PRPF39: variants seen among roughly 807,000 people sequenced by gnomAD.
PRPF39 encodes pre-mRNA processing factor 39, also known as pre-mRNA-processing factor 39.
Under a neutral mutation model 82.1 loss-of-function variants are expected in PRPF39, and 27 were observed. That is an observed-to-expected ratio of 0.33 (90% CI 0.24 to 0.45). The LOEUF (loss-of-function observed/expected upper bound fraction) is 0.45. Among genes scored for constraint, PRPF39 ranks in the 20% least tolerant of loss-of-function variants. The pLI is 1.00. For missense variants in PRPF39, 581 were observed against 796.9 expected, an observed-to-expected ratio of 0.73 and a Z score of 3.26; for synonymous variants, 261 against 256.4, an observed-to-expected ratio of 1.02 and a Z score of -0.17.
At chr14:45,102,746 T>G in intron 5 of PRPF39, 50 bp downstream of exon 5, 1 of 1,437,896 alleles carries the variant, frequency 7.0e-7, no homozygotes, top group Non-Finnish European at 9.5e-7. Context: ...CTCAGATAGT[T>G]GGTAATATTA....
intron 10 of PRPF39, among the ~76,000 whole-genome samples, chr14:45,111,739 A>G (rs1374439565): frequency 6.8e-6 from 1 of 147,942 alleles, no homozygotes; most frequent in Non-Finnish European, 1.5e-5. Flanking sequence ...CCTGGGTTCA[A>G]GCCATTCTCT....
At position 45,110,648 on chromosome 14, in the gene PRPF39, AT is replaced by A; in HGVS notation, c.1404del (p.His468GlnfsTer31). 1 of 1,576,930 alleles carries A rather than the reference AT, an allele frequency of 6.3e-7. No individual in the cohort carries two copies. The highest frequency in any genetic ancestry group is 1.8e-5 in the Admixed American group (1 of 54,302). On this transcript the variant is annotated frameshift_variant, in exon 10 of 14. Transcript: ENST00000355765. LOFTEE classifies it high-confidence loss of function. The surrounding 1 kb of genome is among the most constrained non-coding windows in gnomAD (Gnocchi z 4.0). ...RLRRVSLERRHGNLEEAEHLL... is the reference protein window; with the variant it reads ...RLRRVSLERRXGNLEEAEHLL... ...CGAAGAGTAAGTTTAGAACGACGGCATGGAAATCTGGAAGAAGCTGAACATT... is the reference window on the plus strand; with the variant it reads ...CGAAGAGTAAGTTTAGAACGACGGCAGGAAATCTGGAAGAAGCTGAACATT...
intron 5 of PRPF39, among the ~76,000 whole-genome samples, 171 bp downstream of exon 5, chr14:45,102,867 C>T (rs1884417763): frequency 6.6e-6 from 1 of 152,016 alleles, no homozygotes; most frequent in East Asian, 1.9e-4. Context: ...TTTTCATATG[C>T]CTTATGAAAT....
At chr14:45,095,672 A>G in intron 2 of PRPF39, 109 bp downstream of exon 2, 6 of 1,367,636 alleles carry the variant, frequency 4.4e-6, no homozygotes, top group Non-Finnish European at 5.8e-6. Context: ...CATAATTTTC[A>G]AATGAAGTTG....
Position 45,114,964 on chromosome 14 carries a change from ATTTTT to A in PRPF39, c.*55_*59del, listed in dbSNP as rs201624523. 2.2e-6 allele frequency: 3 copies of A among 1,395,266 alleles called. No homozygotes were observed. In the Admixed American group the frequency reaches 5.1e-5, roughly 24 times the overall value. 86.4% of individuals were successfully genotyped at this position (1,395,266 alleles called of 1,614,324 possible). A position where few individuals can be genotyped will look rare whatever the true frequency, so the allele number is the denominator to read the frequency against. ...AGTGTGTGAAAAGTATGAAATTATT[ATTTTT>A]TTTAATGAGGGATGTAAACAGTATA... On this transcript the variant is annotated 3_prime_UTR_variant, in exon 14 of 14. Coordinates refer to ENST00000355765, the MANE Select transcript of PRPF39 (RefSeq NM_017922.4).
intron 10 of PRPF39, 51 bp from the exon 11 acceptor site, chr14:45,112,267 G>A (rs1884720173): frequency 1.4e-6 from 2 of 1,394,206 alleles, no homozygotes; most frequent in Admixed American, 2.8e-5. Context: ...AAATATCTGT[G>A]CTCTAATAAA....
chr14:45,109,478 A>T (rs1260555204), intron 7 of PRPF39, 138 bp from the exon 8 acceptor site: 3 of 706,058 alleles, frequency 4.2e-6, no homozygotes, highest in Admixed American at 3.9e-5. Context: ...GTTAATTTTA[A>T]AAGTTTTTTA....
In PRPF39 at chr14:45,096,927, A is replaced by G; in HGVS notation, c.491A>G (p.Asp164Gly). Residue 164 changes from aspartate (D) to glycine (G), a missense_variant, in exon 4 of 14, where the codon GAC becomes GGC. By Grantham distance (94) the Asp-to-Gly change is moderately conservative (BLOSUM62 -1). Coordinates refer to ENST00000355765, the MANE Select transcript of PRPF39 (RefSeq NM_017922.4). ...CTTCAGGCAATACCTCTTAGTGTTG[A>G]CCTTTGGATACATTATATAAACTTC... ...RGLQAIPLSV[D>G]LWIHYINFLK... 6.5e-7 allele frequency: 1 copy of G among 1,548,930 alleles called. No individual in the cohort carries two copies. The highest frequency in any genetic ancestry group is 1.4e-5 in the African/African-American group (1 of 72,918).
At chr14:45,098,670 T>TAC (rs1307567859) in intron 4 of PRPF39, among the ~76,000 whole-genome samples, 1 of 152,172 alleles carries the variant, frequency 6.6e-6, no homozygotes, top group Non-Finnish European at 1.5e-5. Context: ...TGTTAAAAAA[T>TAC]GTGTAAGTCC....
In PRPF39 at chr14:45,110,905, G is replaced by T; in HGVS notation, c.1572+88G>T. On this transcript the variant is annotated intron_variant, in intron 10 of 13. Transcript: ENST00000355765. The surrounding 1 kb of genome is among the most constrained non-coding windows in gnomAD (Gnocchi z 4.0). Reference sequence around the variant, plus strand: ...CTGTGGCAACTGTGATGAAAGATTTGGTCTGTATGTAATAGATTTTATTAC... The same window carrying T: ...CTGTGGCAACTGTGATGAAAGATTTTGTCTGTATGTAATAGATTTTATTAC... 1 of 1,248,390 alleles carries T rather than the reference G, an allele frequency of 8.0e-7. No homozygotes were observed. Among genetic ancestry groups the T allele is most frequent in the South Asian group, 1.5e-5 (1 of 65,042 alleles). The allele number at this position is 1,248,390 out of a possible 1,614,324, so 77.3% of individuals were successfully genotyped here. A position where few individuals can be genotyped will look rare whatever the true frequency, so the allele number is the denominator to read the frequency against.
chr14:45,090,328 T>C (rs1347765645), intron 1 of PRPF39, among the ~76,000 whole-genome samples: 1 of 152,252 alleles, frequency 6.6e-6, no homozygotes, highest in Admixed American at 6.5e-5. Context: ...TTATTTTTTC[T>C]GGTAGTCTAC....
At chr14:45,097,629 T>G (rs1884242625) in intron 4 of PRPF39, among the ~76,000 whole-genome samples, 1 of 151,882 alleles carries the variant, frequency 6.6e-6, no homozygotes, top group African/African-American at 2.4e-5. Context: ...ATTTTTTGTT[T>G]GTTTTACCTC....
At position 45,110,362 on chromosome 14, in the gene PRPF39, T is replaced by C; in HGVS notation, c.1303+142T>C. 6.8e-6 allele frequency: 9 copies of C among 1,315,454 alleles called. No individual in the cohort carries two copies. Among genetic ancestry groups the C allele is most frequent in the Non-Finnish European group, 9.3e-6 (9 of 971,548 alleles). 81.5% of individuals were successfully genotyped at this position (1,315,454 alleles called of 1,614,324 possible). A position where few individuals can be genotyped will look rare whatever the true frequency, so the allele number is the denominator to read the frequency against. ...AGGGCCAGATAGTAAAAGCCACGTGTTCTGACTTTCAGGCTTTGTAAGCCA... is the reference window on the plus strand; with the variant it reads ...AGGGCCAGATAGTAAAAGCCACGTGCTCTGACTTTCAGGCTTTGTAAGCCA... On this transcript the variant is annotated intron_variant, in intron 9 of 13. Transcript: ENST00000355765. The surrounding 1 kb of genome is among the most constrained non-coding windows in gnomAD (Gnocchi z 4.0).
At chr14:45,105,312 A>C (rs1244502216) in intron 5 of PRPF39, among the ~76,000 whole-genome samples, 1 of 152,162 alleles carries the variant, frequency 6.6e-6, no homozygotes, top group African/African-American at 2.4e-5. Flanking sequence ...TTAAGTTTTT[A>C]ATTCATTTGT....
intron 1 of PRPF39, among the ~76,000 whole-genome samples, chr14:45,092,378 G>A (rs1182678084): frequency 1.3e-5 from 2 of 152,064 alleles, no homozygotes; most frequent in South Asian, 2.1e-4. Context: ...CGAGGCAGGC[G>A]GATCATGAGG....
rs1394627022 is a variant in PRPF39, at chr14:45,088,771, A to G, written c.-20+4522A>G. Among the ~76,000 whole-genome samples, 5 of 152,248 alleles carry G rather than the reference A, an allele frequency of 3.3e-5. No homozygotes were observed. In the South Asian group the frequency reaches 6.2e-4, roughly 19 times the overall value. ...GCTTTCATTCATTCATTCTTCAGAAATAATGAGTGTCTTTGTGTGCCAGGC... is the reference window on the plus strand; with the variant it reads ...GCTTTCATTCATTCATTCTTCAGAAGTAATGAGTGTCTTTGTGTGCCAGGC... On this transcript the variant is annotated intron_variant, in intron 1 of 13. Transcript: ENST00000355765.
At chr14:45,107,963 T>C (rs1884588470) in intron 6 of PRPF39, among the ~76,000 whole-genome samples, 2 of 152,038 alleles carry the variant, frequency 1.3e-5, no homozygotes, top group South Asian at 4.2e-4. Context: ...CAGAAGAAAC[T>C]GGACCTGTTA....
Position 45,102,512 on chromosome 14 carries a change from G to A in PRPF39, c.570-17G>A, listed in dbSNP as rs777139781. 2 of 1,562,168 alleles carry A rather than the reference G, an allele frequency of 1.3e-6. No individual in the cohort carries two copies. The highest frequency in any genetic ancestry group is 2.8e-5 in the African/African-American group (2 of 72,510). ...TTTATCTTGGAAAGATAACTTAAGA[G>A]TAATTTAATTTTTCAGAACTTTTGA... is the stretch of plus-strand genomic sequence containing the variant. On this transcript the variant is annotated splice_polypyrimidine_tract_variant and intron_variant, in intron 4 of 13. Transcript: ENST00000355765.
At chr14:45,101,805 T>A (rs2139052544) in intron 4 of PRPF39, among the ~76,000 whole-genome samples, 1 of 151,464 alleles carries the variant, frequency 6.6e-6, no homozygotes, top group Non-Finnish European at 1.5e-5. Flanking sequence ...AAAGTATATG[T>A]ATACTTTTTT....
Sources: gnomAD v4.1 joint callset for allele counts (sites outside exome capture counted in the v4.1 genomes callset) on GRCh38, gnomAD v4.1.1 for gene constraint, Gnocchi (gnomAD v3.1) non-coding constraint, MANE v1.5 for transcripts, NCBI Gene and HGNC (gene_info 2026-07-23, HGNC 2026-07-21) for gene names.